Variants in PDE1B observed in about 807,000 individuals in gnomAD.
PDE1B encodes phosphodiesterase 1B, also known as dual specificity calcium/calmodulin-dependent 3',5'-cyclic nucleotide phosphodiesterase 1B.
A neutral mutation model predicts 66.7 loss-of-function variants in PDE1B; 13 were observed. The ratio of observed to expected loss-of-function variants is 0.19; its 90% CI spans 0.13 to 0.31. PDE1B has a LOEUF of 0.31. Among genes scored for constraint, PDE1B ranks in the 10% least tolerant of loss-of-function variants. The pLI is 1.00. For synonymous variants in PDE1B, 230 were observed against 253.9 expected (o/e 0.91, Z 0.90); for missense variants, 485 against 682.3 (o/e 0.71, Z 3.22).
At chr12:54,559,554 A>G (rs1957380455) in intron 2 of PDE1B, among the ~76,000 whole-genome samples, 1 of 152,038 alleles carries the variant, frequency 6.6e-6, no homozygotes, top group Non-Finnish European at 1.5e-5. Flanking sequence ...ATGGTTGATC[A>G]TTATCCCTCC....
At chr12:54,568,472 ACACACACACAC>A (rs1957556027) in intron 3 of PDE1B, among the ~76,000 whole-genome samples, 1 of 19,822 alleles carries the variant, frequency 5.0e-5, no homozygotes, top group African/African-American at 7.7e-5. Flanking sequence ...AAAAATACAC[ACACACACACAC>A]ACACACACAC....
chr12:54,577,016 C>A (rs1957765911), intron 14 of PDE1B: 1 of 613,384 alleles, frequency 1.6e-6, no homozygotes, highest in Middle Eastern at 4.4e-4. Flanking sequence ...GAAATCTCTT[C>A]CTGTGTGAGG....
chr12:54,549,971 T>C lies in PDE1B; in HGVS notation c.99T>C (p.Ile33=). 6.2e-7 allele frequency: 1 copy of C among 1,613,818 alleles called. No individual in the cohort carries two copies. The highest frequency in any genetic ancestry group is 8.5e-7 in the Non-Finnish European group (1 of 1,179,890). Residue 33 remains isoleucine, a synonymous_variant, in exon 2 of 16, where the codon ATT becomes ATC. Coordinates refer to ENST00000243052, the MANE Select transcript of PDE1B (RefSeq NM_000924.4). ...CAGCCCCCAGCAAGAAGATGTGGATTAAGCTTCGGTCTCTGTAAGTCCCCG... is the reference window on the plus strand; with the variant it reads ...CAGCCCCCAGCAAGAAGATGTGGATCAAGCTTCGGTCTCTGTAAGTCCCCG... ...LKSAPSKKMW[I]KLRSLLRYMV...
chr12:54,560,013 T>C (rs1957385844), intron 2 of PDE1B, among the ~76,000 whole-genome samples: 2 of 152,120 alleles, frequency 1.3e-5, no homozygotes, highest in African/African-American at 4.8e-5. Context: ...CAGCTTGTGG[T>C]CATTGTGGGG....
chr12:54,570,232 T>G lies in PDE1B; in HGVS notation c.478-9T>G. ...CTGGAAAGCCACATAATCTATTGTT[T>G]CTCCATAGAACCTGGATCTCTGGTG... On this transcript the variant is annotated splice_polypyrimidine_tract_variant and intron_variant, in intron 5 of 15. Transcript: ENST00000243052. 6.4e-7 allele frequency: 1 copy of G among 1,555,218 alleles called. No homozygotes were observed. Among genetic ancestry groups the G allele is most frequent in the Non-Finnish European group, 8.9e-7 (1 of 1,126,276 alleles).
intron 2 of PDE1B, among the ~76,000 whole-genome samples, chr12:54,550,429 T>A (rs958633413): frequency 1.3e-5 from 2 of 152,222 alleles, no homozygotes; most frequent in African/African-American, 2.4e-5. Context: ...CAGCTGTAGA[T>A]CTACTGCATG....
At chr12:54,567,798 A>C (rs1355508738) in intron 3 of PDE1B, among the ~76,000 whole-genome samples, 1 of 152,074 alleles carries the variant, frequency 6.6e-6, no homozygotes, top group African/African-American at 2.4e-5. Flanking sequence ...GTGTACATAA[A>C]ATACATGATG....
At chr12:54,576,482 G>A (rs1452415409) in intron 13 of PDE1B, 89 bp from the exon 14 acceptor site, 1 of 1,498,212 alleles carries the variant, frequency 6.7e-7, no homozygotes, top group Non-Finnish European at 9.2e-7. Flanking sequence ...CCTTCTCCTG[G>A]TCTTCCATGT....
At position 54,573,589 on chromosome 12, in the gene PDE1B, T is replaced by C. The variant is rs1405684424; in HGVS notation, c.963-19T>C. ...CAGCGCTGAGGGGACTGATTGCTTCTCTTTTTATGTCCGCTCAGAGAACTC... is the reference window on the plus strand; with the variant it reads ...CAGCGCTGAGGGGACTGATTGCTTCCCTTTTTATGTCCGCTCAGAGAACTC... On this transcript the variant is annotated intron_variant, in intron 9 of 15. Coordinates refer to ENST00000243052, the MANE Select transcript of PDE1B (RefSeq NM_000924.4). This position sits in a 1 kb window ranked among gnomAD's most constrained non-coding sequence, Gnocchi z 5.2. 3.7e-6 allele frequency: 6 copies of C among 1,612,978 alleles called. No homozygotes were observed. Among genetic ancestry groups the C allele is most frequent in the East Asian group, 4.5e-5 (2 of 44,876 alleles).
chr12:54,575,007 T>C lies in PDE1B; in HGVS notation c.1065-91T>C, dbSNP rs1019662916. On this transcript the variant is annotated intron_variant, in intron 10 of 15. Transcript: ENST00000243052. The surrounding 1 kb of genome is among the most constrained non-coding windows in gnomAD (Gnocchi z 4.0). ...AAAAAAAAAAAAGGAAGAAGTTATG[T>C]GATAGGGTGTGCGTGGGAAGTTAGG... is the stretch of plus-strand genomic sequence containing the variant. 3 of 1,006,804 alleles carry C rather than the reference T, an allele frequency of 3.0e-6. No homozygotes were observed. Among genetic ancestry groups the C allele is most frequent in the Admixed American group, 2.2e-5 (1 of 45,780 alleles). The allele number at this position is 1,006,804 out of a possible 1,614,324, so 62.4% of individuals were successfully genotyped here.
At chr12:54,553,874 T>C (rs1957310707) in intron 2 of PDE1B, among the ~76,000 whole-genome samples, 1 of 152,116 alleles carries the variant, frequency 6.6e-6, no homozygotes, top group Admixed American at 6.5e-5. Flanking sequence ...TAGGATGAAA[T>C]TGTGAATGCC....
Position 54,575,460 on chromosome 12 carries a change from A to AC in PDE1B, c.1186-85dup. ...AACAGTGCAGAAATTTCACACAACA[A>AC]CCCCCCACCCCCACCACTTGCCACC... On this transcript the variant is annotated intron_variant, in intron 11 of 15. Coordinates refer to ENST00000243052, the MANE Select transcript of PDE1B (RefSeq NM_000924.4). This position sits in a 1 kb window ranked among gnomAD's most constrained non-coding sequence, Gnocchi z 4.0. 1 of 902,354 alleles carries AC rather than the reference A, an allele frequency of 1.1e-6. No individual in the cohort carries two copies. Among genetic ancestry groups the AC allele is most frequent in the South Asian group, 1.3e-5 (1 of 75,038 alleles). 55.9% of individuals were successfully genotyped at this position (902,354 alleles called of 1,614,324 possible). A position where few individuals can be genotyped will look rare whatever the true frequency, so the allele number is the denominator to read the frequency against.
Position 54,575,590 on chromosome 12 carries a change from C to T in PDE1B, c.1225C>T (p.Leu409Phe). Reference sequence around the variant, plus strand: ...AGAGTTGGGCCTGCCCTTTTCTCCACTCTGTGACCGCACTTCCACTCTAGT... The same window carrying T: ...AGAGTTGGGCCTGCCCTTTTCTCCATTCTGTGACCGCACTTCCACTCTAGT... ...EAELGLPFSP[L>F]CDRTSTLVAQ... Residue 409 changes from leucine (L) to phenylalanine (F), a missense_variant, in exon 12 of 16, where the codon CTC becomes TTC. Leu to Phe is a conservative substitution (Grantham distance 22). Around this residue, in one of 4 missense-constraint regions of PDE1B, gnomAD observed 282 missense variants for 453.4 expected, o/e 0.62. Coordinates refer to ENST00000243052, the MANE Select transcript of PDE1B (RefSeq NM_000924.4). The surrounding 1 kb of genome is among the most constrained non-coding windows in gnomAD (Gnocchi z 4.0). The T allele has an allele frequency of 6.2e-7, 1 of 1,613,548 alleles. No individual in the cohort carries two copies. Among genetic ancestry groups the T allele is most frequent in the Non-Finnish European group, 8.5e-7 (1 of 1,179,664 alleles).
intron 10 of PDE1B, chr12:54,574,112 A>G (rs1957680604): frequency 4.5e-6 from 1 of 222,520 alleles, no homozygotes; most frequent in African/African-American, 2.3e-5. Flanking sequence ...GCTTGCCCCT[A>G]GTTCCTAGTC....
In PDE1B at chr12:54,575,045, C is replaced by T. The variant is rs1199784539; in HGVS notation, c.1065-53C>T. ...GTGGGAAGTTAGGGAATGGTCCTAACTTCCTTTTCCTAAAAGATCAGTCTC... is the reference window on the plus strand; with the variant it reads ...GTGGGAAGTTAGGGAATGGTCCTAATTTCCTTTTCCTAAAAGATCAGTCTC... On this transcript the variant is annotated intron_variant, in intron 10 of 15. Transcript: ENST00000243052. The surrounding 1 kb of genome is among the most constrained non-coding windows in gnomAD (Gnocchi z 4.0). 5.3e-6 allele frequency: 8 copies of T among 1,511,162 alleles called. No individual in the cohort carries two copies. The Admixed American group carries it at 1.2e-4, about 23-fold the overall frequency. The allele number at this position is 1,511,162 out of a possible 1,614,324, so 93.6% of individuals were successfully genotyped here. A position where few individuals can be genotyped will look rare whatever the true frequency, so the allele number is the denominator to read the frequency against.
At chr12:54,557,441 C>T (rs1235873344) in intron 2 of PDE1B, among the ~76,000 whole-genome samples, 1 of 152,160 alleles carries the variant, frequency 6.6e-6, no homozygotes, top group African/African-American at 2.4e-5. Flanking sequence ...GTGAGCCAGT[C>T]AGAAAGGATG....
intron 6 of PDE1B, 81 bp from the exon 7 acceptor site, chr12:54,572,520 G>A: frequency 2.2e-6 from 3 of 1,368,028 alleles, no homozygotes; most frequent in Non-Finnish European, 3.1e-6. Flanking sequence ...GCCTTCTAAA[G>A]AAAGTTGTTG....
chr12:54,550,099 G>GT (rs1957253794), intron 2 of PDE1B, 114 bp downstream of exon 2: 1 of 1,470,508 alleles, frequency 6.8e-7, no homozygotes, highest in African/African-American at 1.4e-5. Flanking sequence ...TGGCACAGAT[G>GT]TTGGCAGGTG....
chr12:54,558,851 G>C (rs539222239), intron 2 of PDE1B, among the ~76,000 whole-genome samples: 1 of 152,220 alleles, frequency 6.6e-6, no homozygotes, highest in African/African-American at 2.4e-5. Context: ...CTAAAGATTT[G>C]GACTAAATAA....
Sources: allele counts gnomAD v4.1 joint callset (sites outside exome capture counted in the v4.1 genomes callset), GRCh38; gene constraint gnomAD v4.1.1; regional missense constraint gnomAD v4.1.1; non-coding constraint Gnocchi (gnomAD v3.1); transcripts MANE v1.5; gene names NCBI Gene and HGNC (gene_info 2026-07-23, HGNC 2026-07-21).